The following DNAH14 variants were observed in gnomAD, a reference collection of about 807,000 sequenced individuals.
DNAH14 encodes axonemal beta dynein heavy chain 14.
Under a neutral mutation model 520.9 loss-of-function variants are expected in DNAH14, and 478 were observed. That is an observed-to-expected ratio of 0.92 (90% CI 0.85 to 0.99). The LOEUF is 0.99. Ranked by LOEUF, DNAH14 falls within the 50% of genes least tolerant of loss-of-function variation. The pLI is 0.00. For synonymous variants in DNAH14, 1,581 were observed against 1,757.2 expected (o/e 0.90, Z 2.51); for missense variants, 4,831 against 5,234.5 (o/e 0.92, Z 2.38).
intron 39 of DNAH14, among the ~76,000 whole-genome samples, chr1:225,205,154 G>A (rs2087366272): frequency 6.6e-6 from 1 of 152,144 alleles, no homozygotes; most frequent in African/African-American, 2.4e-5. Flanking sequence ...TGTAGCATGT[G>A]TGCTATGGTC....
chr1:225,283,151 AT>A, intron 54 of DNAH14, among the ~76,000 whole-genome samples: 1 of 152,160 alleles, frequency 6.6e-6, no homozygotes, highest in African/African-American at 2.4e-5. Context: ...GGGAAAAAAA[AT>A]GAGACATATG....
intron 26 of DNAH14, among the ~76,000 whole-genome samples, chr1:225,119,960 T>G (rs1322334648): frequency 1.3e-5 from 2 of 152,186 alleles, no homozygotes; most frequent in East Asian, 3.8e-4. Flanking sequence ...TGGCTCTCCT[T>G]TTCTTCAATT....
At chr1:225,024,517 T>C (rs2065947789) in intron 11 of DNAH14, 1 of 152,590 alleles carries the variant, frequency 6.6e-6, no homozygotes, top group African/African-American at 2.4e-5. Flanking sequence ...GTTGGCATAC[T>C]TTAATTTCTA....
At chr1:225,204,702 A>C (rs906731847) in intron 39 of DNAH14, among the ~76,000 whole-genome samples, 3 of 152,194 alleles carry the variant, frequency 2.0e-5, no homozygotes, top group Non-Finnish European at 4.4e-5. Context: ...TATGCCAGAC[A>C]CTTTACTATG....
chr1:225,340,355 T>A lies in DNAH14; in HGVS notation c.10434-102T>A. The A allele has an allele frequency of 7.2e-6, 9 of 1,247,604 alleles. No homozygotes were observed. In the South Asian group the frequency reaches 1.5e-4, roughly 21 times the overall value. 77.3% of individuals were successfully genotyped at this position (1,247,604 alleles called of 1,614,324 possible). On this transcript the variant is annotated intron_variant, in intron 68 of 85. Coordinates refer to ENST00000682510, the MANE Select transcript of DNAH14 (RefSeq NM_001367479.1). Reference sequence around the variant, plus strand: ...ACAAAGCTGAAAAACACTAAAAATCTTGTGTACTTCCAGGAAAAATGCTTT... The same window carrying A: ...ACAAAGCTGAAAAACACTAAAAATCATGTGTACTTCCAGGAAAAATGCTTT...
intron 60 of DNAH14, among the ~76,000 whole-genome samples, chr1:225,315,168 A>G (rs1364293273): frequency 6.6e-6 from 1 of 151,612 alleles, no homozygotes; most frequent in Non-Finnish European, 1.5e-5. Context: ...TCTTGCCTTC[A>G]TGCTTTATTT....
chr1:224,953,242 C>T (rs2060291418), intron 2 of DNAH14, among the ~76,000 whole-genome samples: 1 of 151,878 alleles, frequency 6.6e-6, no homozygotes, highest in Admixed American at 6.6e-5. Flanking sequence ...CCAACCTCAG[C>T]CCCCCGAGTA....
At chr1:225,307,644 A>AT in intron 59 of DNAH14, 75 bp downstream of exon 59, 6 of 1,127,100 alleles carry the variant, frequency 5.3e-6, no homozygotes, top group Non-Finnish European at 7.3e-6. Flanking sequence ...AAAGGCTCTG[A>AT]TACCTGACAA....
intron 60 of DNAH14, among the ~76,000 whole-genome samples, chr1:225,313,959 T>G (rs12758787): frequency 0.11 from 17,477 of 152,210 alleles, 1,210 homozygotes; most frequent in East Asian, 0.26. Context: ...TAGGTCTGCT[T>G]GGTCCTGAGC....
intron 21 of DNAH14, among the ~76,000 whole-genome samples, chr1:225,086,244 T>C (rs1161660014): frequency 2.0e-5 from 3 of 151,894 alleles, no homozygotes; most frequent in African/African-American, 7.3e-5. Flanking sequence ...GCCATTCTCC[T>C]GCCTCAGCCT....
intron 21 of DNAH14, among the ~76,000 whole-genome samples, chr1:225,091,955 C>A (rs1460352321): frequency 2.6e-5 from 4 of 151,916 alleles, no homozygotes; most frequent in African/African-American, 9.7e-5. Flanking sequence ...TAAAAACCAA[C>A]AAAGATCAAA....
intron 1 of DNAH14, among the ~76,000 whole-genome samples, chr1:224,935,955 C>T (rs911055655): frequency 2.0e-5 from 3 of 151,596 alleles, no homozygotes; most frequent in African/African-American, 4.8e-5. Context: ...TCAACATGCC[C>T]CTGAATGACC....
intron 31 of DNAH14, 33 bp downstream of exon 31, chr1:225,147,282 T>C: frequency 6.6e-7 from 1 of 1,505,558 alleles, no homozygotes; most frequent in Non-Finnish European, 8.9e-7. Context: ...CCTTTTGAAT[T>C]GAAATCTGAT....
In DNAH14 at chr1:225,340,057, A is replaced by T. The variant is rs1393099924; in HGVS notation, c.10434-400A>T. ...TAGCTTTACTTCTAAAGCTATTGAA[A>T]TTTTTTTTTAAATGATAGCTGCTAG... On this transcript the variant is annotated intron_variant, in intron 68 of 85. Transcript: ENST00000682510. Among the ~76,000 whole-genome samples, 5 of 151,540 alleles carry T rather than the reference A, an allele frequency of 3.3e-5. No individual in the cohort carries two copies. In the South Asian group the frequency reaches 8.4e-4, roughly 25 times the overall value.
intron 17 of DNAH14, among the ~76,000 whole-genome samples, chr1:225,058,307 T>G (rs2069456603): frequency 1.3e-5 from 2 of 152,210 alleles, no homozygotes; most frequent in Admixed American, 1.3e-4. Flanking sequence ...GATTTTCTAG[T>G]TTATTTGTGT....
At chr1:225,204,978 C>G (rs2087337716) in intron 39 of DNAH14, among the ~76,000 whole-genome samples, 1 of 152,138 alleles carries the variant, frequency 6.6e-6, no homozygotes, top group South Asian at 2.1e-4. Flanking sequence ...GTCAGAGCAC[C>G]TCTTAGCAGT....
rs528912690 is a variant in DNAH14, at chr1:225,360,826, G to A, written c.11922G>A (p.Trp3974Ter). The change falls in exon 75 of 86, where the codon TGG becomes TGA. Residue 3974 changes from tryptophan to a stop codon, truncating the protein, a stop_gained. Coordinates refer to ENST00000682510, the MANE Select transcript of DNAH14 (RefSeq NM_001367479.1). LOFTEE classifies it high-confidence loss of function. ...ILKALTKTQQWVFLQNCHLAT... is the reference protein window; with the variant it reads ...ILKALTKTQQ Reference sequence around the variant, plus strand: ...AGGCACTAACAAAAACACAACAATGGGTCTTCCTCCAGAACTGCCATCTTG... The same window carrying A: ...AGGCACTAACAAAAACACAACAATGAGTCTTCCTCCAGAACTGCCATCTTG... 8 of 1,551,594 alleles carry A rather than the reference G, an allele frequency of 5.2e-6. No individual in the cohort carries two copies. The highest frequency in any genetic ancestry group is 1.7e-4 in the Middle Eastern group (1 of 5,992).
At chr1:225,265,085 T>C in intron 47 of DNAH14, 97 bp from the exon 48 acceptor site, 1 of 833,764 alleles carries the variant, frequency 1.2e-6, no homozygotes, top group Non-Finnish European at 1.8e-6. Flanking sequence ...AATAGTAAAA[T>C]TATGTAATTT....
At chr1:224,938,429 A>C (rs1190144090) in intron 1 of DNAH14, among the ~76,000 whole-genome samples, 9 of 149,868 alleles carry the variant, frequency 6.0e-5, no homozygotes. Flanking sequence ...GCCAAAAGGC[A>C]TATGAAAACG....
Sources: gnomAD v4.1 joint callset for allele counts (sites outside exome capture counted in the v4.1 genomes callset) on GRCh38, gnomAD v4.1.1 for gene constraint, MANE v1.5 for transcripts, NCBI Gene and HGNC (gene_info 2026-07-23, HGNC 2026-07-21) for gene names.